The following ZNF519 variants were observed in gnomAD, a reference collection of about 807,000 sequenced individuals.
ZNF519 encodes the protein similar to Zinc finger protein 85 (Zinc finger protein HPF4) (HTF1).
A neutral mutation model predicts 7.4 loss-of-function variants in ZNF519; 7 were observed. The ratio of observed to expected loss-of-function variants is 0.94; its 90% CI spans 0.54 to 1.77. The LOEUF is 1.77. Among genes scored for constraint, ZNF519 ranks in the 40% most tolerant of loss-of-function variants. The pLI, the probability that ZNF519 is intolerant of heterozygous loss-of-function variation, is 0.00. For missense variants in ZNF519, 586 were observed against 623.1 expected, an observed-to-expected ratio of 0.94 and a Z score of 0.63; for synonymous variants, 179 against 203.3, an observed-to-expected ratio of 0.88 and a Z score of 1.02.
chr18:14,086,976 T>TGCAAAAA (rs2046093049), intron 2 of ZNF519, among the ~76,000 whole-genome samples: 2 of 151,978 alleles, frequency 1.3e-5, no homozygotes, highest in Admixed American at 1.3e-4. Context: ...AGAATATAGA[T>TGCAAAAA]GCAAAAATCC....
chr18:14,112,595 GA>G (rs1439130735), intron 2 of ZNF519, among the ~76,000 whole-genome samples: 1 of 152,044 alleles, frequency 6.6e-6, no homozygotes, highest in Non-Finnish European at 1.5e-5. Context: ...ATTTAGTCAA[GA>G]TATAGGATTA....
intron 2 of ZNF519, among the ~76,000 whole-genome samples, chr18:14,092,213 T>C (rs2046117316): frequency 6.6e-6 from 1 of 151,798 alleles, no homozygotes; most frequent in Non-Finnish European, 1.5e-5. Context: ...CTGATGTCTA[T>C]GGGTGCAAAG....
At chr18:14,129,410 T>C (rs1423031978) in intron 1 of ZNF519, among the ~76,000 whole-genome samples, 4 of 152,084 alleles carry the variant, frequency 2.6e-5, no homozygotes, top group Non-Finnish European at 5.9e-5. Context: ...ATGTAGGGGC[T>C]GGCAGCAGGG....
At chr18:14,098,647 C>A (rs1433690726), downstream of ZNF519, among the ~76,000 whole-genome samples, 1 of 152,156 alleles carries the variant, frequency 6.6e-6, no homozygotes, top group East Asian at 1.9e-4. Context: ...CCAAAGTATT[C>A]TCTGAGAACT....
intron 1 of ZNF519, among the ~76,000 whole-genome samples, chr18:14,128,945 G>C (rs2046316005): frequency 6.6e-6 from 1 of 152,122 alleles, no homozygotes; most frequent in Admixed American, 6.5e-5. Context: ...ACTTCTAGTA[G>C]GCACTGGATT....
chr18:14,113,628 G>C (rs1386773513), intron 2 of ZNF519, among the ~76,000 whole-genome samples: 2 of 151,814 alleles, frequency 1.3e-5, no homozygotes, highest in Non-Finnish European at 2.9e-5. Flanking sequence ...ATCTCTCTCT[G>C]ATGTCCTGAT....
Position 14,104,731 on chromosome 18 carries a change from T to C in ZNF519, c.*186A>G, listed in dbSNP as rs1477290952. 4.0e-6 allele frequency: 2 copies of C among 499,892 alleles called. No homozygotes were observed. Among genetic ancestry groups the C allele is most frequent in the Admixed American group, 7.5e-5 (2 of 26,774 alleles). 31.0% of individuals were successfully genotyped at this position (499,892 alleles called of 1,614,324 possible). A position where few individuals can be genotyped will look rare whatever the true frequency, so the allele number is the denominator to read the frequency against. Reference sequence around the variant, plus strand: ...TAATAAACACACTGATTCAGAGTAATTTACGGAAGTGCTAGCACCTTAGTT... The same window carrying C: ...TAATAAACACACTGATTCAGAGTAACTTACGGAAGTGCTAGCACCTTAGTT... On this transcript the variant is annotated 3_prime_UTR_variant, in exon 3 of 3. Coordinates refer to ENST00000590202, the MANE Select transcript of ZNF519 (RefSeq NM_145287.4).
At position 14,102,074 on chromosome 18, in the gene ZNF519, T is replaced by C. The variant is rs966628572; in HGVS notation, c.*2843A>G. 1 of 215,480 alleles carries C rather than the reference T, an allele frequency of 4.6e-6. No homozygotes were observed. Among genetic ancestry groups the C allele is most frequent in the Non-Finnish European group, 9.1e-6 (1 of 110,298 alleles). 13.3% of individuals were successfully genotyped at this position (215,480 alleles called of 1,614,324 possible). ...AACAATCTTTGTCAACACCATTTTG[T>C]TAATTTGTGTTTTCAAACTATTTTA... On this transcript the variant is annotated 3_prime_UTR_variant, in exon 3 of 3. Coordinates refer to ENST00000590202, the MANE Select transcript of ZNF519 (RefSeq NM_145287.4).
chr18:14,116,919 G>A (rs917613133), intron 2 of ZNF519, among the ~76,000 whole-genome samples: 17 of 152,266 alleles, frequency 1.1e-4, no homozygotes, highest in Admixed American at 3.9e-4. Context: ...GCTGAGGCAG[G>A]AGAATCGCTT....
chr18:14,079,395 G>A (rs2046061439), intron 3 of ZNF519, among the ~76,000 whole-genome samples: 1 of 152,098 alleles, frequency 6.6e-6, no homozygotes, highest in Admixed American at 6.5e-5. Flanking sequence ...CTTATTTTGT[G>A]GATATTAAAA....
chr18:14,128,310 A>AAACAAACAAACAAACAAC (rs569951991), intron 1 of ZNF519, among the ~76,000 whole-genome samples: 11 of 151,880 alleles, frequency 7.2e-5, no homozygotes, highest in African/African-American at 2.4e-4. Flanking sequence ...ACAAACAAAC[A>AAACAAACAAACAAACAAC]AACTCTCCAC....
intron 2 of ZNF519, among the ~76,000 whole-genome samples, chr18:14,086,229 C>G (rs2046090046): frequency 6.6e-6 from 1 of 152,216 alleles, no homozygotes; most frequent in South Asian, 2.1e-4. Context: ...AGGCTGGTCC[C>G]TGTGGACAGA....
intron 2 of ZNF519, among the ~76,000 whole-genome samples, chr18:14,117,463 C>T (rs900390711): frequency 2.6e-5 from 4 of 152,066 alleles, no homozygotes; most frequent in Admixed American, 6.5e-5. Flanking sequence ...AACCCTTGTG[C>T]ACTGCTGGTA....
chr18:14,094,725 C>T (rs1201556919), intron 2 of ZNF519, among the ~76,000 whole-genome samples: 1 of 151,944 alleles, frequency 6.6e-6, no homozygotes, highest in Non-Finnish European at 1.5e-5. Flanking sequence ...CAGAGATTGG[C>T]CTATAGTTTT....
At position 14,081,221 on chromosome 18, in the gene ZNF519, G is replaced by A. The variant is rs555894658; in HGVS notation, c.*178-2923C>T. Among the ~76,000 whole-genome samples the A allele has an allele frequency of 2.0e-5, 3 of 152,112 alleles. No individual in the cohort carries two copies. In the East Asian group the frequency reaches 5.8e-4, roughly 29 times the overall value. On this transcript the variant is annotated intron_variant and NMD_transcript_variant, in intron 3 of 4. Coordinates refer to the ZNF519 transcript ENST00000587419. The stretch of plus-strand genomic sequence containing the variant: ...GTAAGAAACATGTCACTCTTGTGGG[G>A]GTTGTTGTTAATGGGGGACACTATG...
chr18:14,115,739 A>T (rs2046243180), intron 2 of ZNF519, among the ~76,000 whole-genome samples: 1 of 152,224 alleles, frequency 6.6e-6, no homozygotes, highest in South Asian at 2.1e-4. Flanking sequence ...AAAAGCAGAA[A>T]ATGTTGTTAT....
At chr18:14,121,967 C>T (rs1217346264) in intron 2 of ZNF519, 1 of 152,164 alleles carries the variant, frequency 6.6e-6, no homozygotes, top group East Asian at 1.9e-4. Context: ...TGGTGTCCAA[C>T]CAGCTCTTTG....
rs753582641 is a variant in ZNF519 at position 14,105,383 on chromosome 18, T to C, written c.1157A>G (p.Asn386Ser). 26 of 1,613,668 alleles carry C rather than the reference T, an allele frequency of 1.6e-5. No homozygotes were observed. The Admixed American group carries it at 2.0e-4, about 12-fold the overall frequency. Residue 386 changes from asparagine (N) to serine (S), a missense_variant, in exon 3 of 3, where the codon AAT (asparagine) becomes AGT (serine). Transcript: ENST00000590202. ...FRCKECGKAF[N>S]RSSYVTQHQR... ...ATGCTGAGTAACGTATGAGCTTCTA[T>C]TAAAGGCTTTGCCACATTCCTTACA...
downstream of ZNF519, among the ~76,000 whole-genome samples, chr18:14,096,409 AG>A (rs1222478817): frequency 6.6e-6 from 1 of 152,202 alleles, no homozygotes; most frequent in East Asian, 1.9e-4. Flanking sequence ...TGAACACTGA[AG>A]GGTTCTATTT....
Sources: allele counts gnomAD v4.1 joint callset (sites outside exome capture counted in the v4.1 genomes callset), GRCh38; gene constraint gnomAD v4.1.1; transcripts MANE v1.5; gene names NCBI Gene and HGNC (gene_info 2026-07-23, HGNC 2026-07-21).